The following MED12L variants were observed in gnomAD, a reference collection of about 807,000 sequenced individuals.
MED12L encodes the protein mediator of RNA polymerase II transcription subunit 12-like protein.
A neutral mutation model predicts 281.3 loss-of-function variants in MED12L; 60 were observed. That is an observed-to-expected ratio of 0.21 (90% CI 0.17 to 0.26). The LOEUF is 0.26. Among genes scored for constraint, MED12L ranks in the 10% least tolerant of loss-of-function variants. The pLI is 1.00. For missense variants in MED12L, 2,146 were observed against 2,680.9 expected, an observed-to-expected ratio of 0.80 and a Z score of 4.41; for synonymous variants, 974 against 987.2, an observed-to-expected ratio of 0.99 and a Z score of 0.25.
chr3:151,271,503 G>A (rs1179872373), intron 16 of MED12L, among the ~76,000 whole-genome samples: 1 of 152,156 alleles, frequency 6.6e-6, no homozygotes, highest in Non-Finnish European at 1.5e-5. Context: ...ACTCCTAGGT[G>A]TTTACCCAGG....
At chr3:151,211,810 G>C (rs1727215501) in intron 16 of MED12L, among the ~76,000 whole-genome samples, 1 of 152,126 alleles carries the variant, frequency 6.6e-6, no homozygotes, top group African/African-American at 2.4e-5. Flanking sequence ...ACGACGCCTG[G>C]CTAATTATAT....
chr3:151,367,697 A>G lies in MED12L; in HGVS notation c.3379A>G (p.Ile1127Val), dbSNP rs780931668. 2.5e-6 allele frequency: 4 copies of G among 1,611,774 alleles called. No individual in the cohort carries two copies. The Admixed American group carries it at 5.0e-5, about 20-fold the overall frequency. ...ATTAGCTACTTTCATTGCTATTCTG[A>G]TAGCACGACAGTGTTTTTCCCTGGA... The part of the protein sequence containing the change: ...DSLATFIAIL[I>V]ARQCFSLEDV... Residue 1127 changes from isoleucine (I) to valine (V), a missense_variant, in exon 24 of 45, where the codon ATA (isoleucine) becomes GTA (valine). By Grantham distance (29) the Ile-to-Val change is conservative. Coordinates refer to ENST00000687756, the MANE Select transcript of MED12L (RefSeq NM_001393769.1).
chr3:151,284,909 A>T (rs901352881), intron 16 of MED12L, among the ~76,000 whole-genome samples: 2 of 152,020 alleles, frequency 1.3e-5, no homozygotes, highest in Non-Finnish European at 2.9e-5. Flanking sequence ...TGCCCAGCCC[A>T]AAATTTTATA....
intron 11 of MED12L, among the ~76,000 whole-genome samples, chr3:151,172,763 C>T (rs2149015524): frequency 6.6e-6 from 1 of 152,348 alleles, no homozygotes; most frequent in Non-Finnish European, 1.5e-5. Context: ...GCATGGATGG[C>T]TTTCTGTTGA....
intron 16 of MED12L, among the ~76,000 whole-genome samples, chr3:151,230,956 G>T (rs940827055): frequency 3.3e-5 from 5 of 152,162 alleles, no homozygotes; most frequent in Non-Finnish European, 5.9e-5. Context: ...GTTGAGTTGT[G>T]ACATCTTTTG....
At chr3:151,198,666 T>C (rs1484600122) in intron 16 of MED12L, 1 of 1,613,942 alleles carries the variant, frequency 6.2e-7, no homozygotes, top group Admixed American at 1.7e-5. Flanking sequence ...ATTCGGACAA[T>C]GTGGTAAGGA....
At chr3:151,413,323 C>T (rs1417531631) in intron 42 of MED12L, 28 bp downstream of exon 42, 1 of 1,609,186 alleles carries the variant, frequency 6.2e-7, no homozygotes, top group Non-Finnish European at 8.5e-7. Context: ...GAGGGCAATG[C>T]CATCACCCTT....
intron 2 of MED12L, among the ~76,000 whole-genome samples, chr3:151,091,694 G>C (rs189092620): frequency 1.3e-5 from 2 of 152,200 alleles, no homozygotes; most frequent in African/African-American, 4.8e-5. Context: ...CCCCTCCAGT[G>C]GCTTTTTCCA....
At chr3:151,233,125 C>T (rs547237414) in intron 16 of MED12L, among the ~76,000 whole-genome samples, 46 of 152,304 alleles carry the variant, frequency 3.0e-4, no homozygotes, top group African/African-American at 1.1e-3. Context: ...CTTTCCCCTC[C>T]TCCCCTGAAC....
chr3:151,427,031 T>G (rs1252300705), intron 43 of MED12L, among the ~76,000 whole-genome samples: 1 of 152,142 alleles, frequency 6.6e-6, no homozygotes, highest in Non-Finnish European at 1.5e-5. Context: ...TTGCCCAGGC[T>G]GGTCTTGAAC....
At chr3:151,358,354 T>C (rs1754191947) in intron 20 of MED12L, among the ~76,000 whole-genome samples, 1 of 152,132 alleles carries the variant, frequency 6.6e-6, no homozygotes, top group Non-Finnish European at 1.5e-5. Flanking sequence ...AGTATTATTT[T>C]ACAGCCCAGG....
intron 5 of MED12L, among the ~76,000 whole-genome samples, chr3:151,133,132 T>C (rs1294879442): frequency 6.6e-6 from 1 of 152,258 alleles, no homozygotes; most frequent in African/African-American, 2.4e-5. Flanking sequence ...ATGATTGTTA[T>C]TAGGATTTGT....
intron 2 of MED12L, among the ~76,000 whole-genome samples, chr3:151,108,283 G>A (rs1219051802): frequency 6.6e-6 from 1 of 152,062 alleles, no homozygotes; most frequent in Non-Finnish European, 1.5e-5. Flanking sequence ...GTATTTTAAA[G>A]GAAGGAATAA....
At chr3:151,298,734 A>T (rs1745456942) in intron 16 of MED12L, among the ~76,000 whole-genome samples, 1 of 152,154 alleles carries the variant, frequency 6.6e-6, no homozygotes, top group Admixed American at 6.5e-5. Flanking sequence ...TACAGGACTG[A>T]GTGTGTGTGT....
At chr3:151,133,056 T>A (rs1261212645) in intron 5 of MED12L, among the ~76,000 whole-genome samples, 1 of 152,248 alleles carries the variant, frequency 6.6e-6, no homozygotes, top group Non-Finnish European at 1.5e-5. Flanking sequence ...TCAGCACGTT[T>A]GGGAAAAGAT....
rs1744834542 is a variant in MED12L at position 151,294,740 on chromosome 3, A to G, written c.2251-55319A>G. ...GATGTTTGGCAAAGACAAAACAGCCATGATCACCCAAACACAAACAGATAA... is the reference window on the plus strand; with the variant it reads ...GATGTTTGGCAAAGACAAAACAGCCGTGATCACCCAAACACAAACAGATAA... On this transcript the variant is annotated intron_variant, in intron 16 of 44. Coordinates refer to ENST00000687756, the MANE Select transcript of MED12L (RefSeq NM_001393769.1). The G allele has an allele frequency of 1.1e-5, 18 of 1,614,142 alleles. No homozygotes were observed. The highest frequency in any genetic ancestry group is 1.4e-5 in the Non-Finnish European group (17 of 1,179,972).
At chr3:151,140,575 G>A (rs1196178524) in intron 5 of MED12L, among the ~76,000 whole-genome samples, 1 of 152,198 alleles carries the variant, frequency 6.6e-6, no homozygotes, top group Non-Finnish European at 1.5e-5. Context: ...CCTCTTCCAA[G>A]TTAGAATGCT....
At chr3:151,195,245 TGTTAA>T (rs1213421707) in intron 16 of MED12L, among the ~76,000 whole-genome samples, 6 of 152,232 alleles carry the variant, frequency 3.9e-5, no homozygotes, top group South Asian at 2.1e-4. Context: ...CAAAGTATTC[TGTTAA>T]GTTATTTATT....
At chr3:151,216,324 T>C (rs1728210300) in intron 16 of MED12L, among the ~76,000 whole-genome samples, 1 of 152,158 alleles carries the variant, frequency 6.6e-6, no homozygotes, top group African/African-American at 2.4e-5. Context: ...AGAATGCATC[T>C]TTTTCATCTG....
Sources: allele counts gnomAD v4.1 joint callset (sites outside exome capture counted in the v4.1 genomes callset), GRCh38; gene constraint gnomAD v4.1.1; transcripts MANE v1.5; gene names NCBI Gene and HGNC (gene_info 2026-07-23, HGNC 2026-07-21).